DIAPH3: variants seen among roughly 807,000 people sequenced by gnomAD.
The protein encoded by DIAPH3 is protein diaphanous homolog 3.
In DIAPH3, 117 loss-of-function variants were observed where a neutral mutation model predicts 144.3. The ratio of observed to expected loss-of-function variants is 0.81; its 90% CI spans 0.70 to 0.95. The LOEUF is 0.95. Ranked by LOEUF, DIAPH3 falls within the 40% of genes least tolerant of loss-of-function variation. DIAPH3 has a pLI of 0.00. For missense variants in DIAPH3, 1,421 were observed against 1,412.7 expected (o/e 1.01, Z -0.09); for synonymous variants, 519 against 488.9 (o/e 1.06, Z -0.81).
At chr13:59,725,884 A>G (rs914374465) in intron 27 of DIAPH3, among the ~76,000 whole-genome samples, 1 of 152,208 alleles carries the variant, frequency 6.6e-6, no homozygotes, top group Non-Finnish European at 1.5e-5. Context: ...GCAACTTAAG[A>G]AAAAAGCCTT....
intron 23 of DIAPH3, among the ~76,000 whole-genome samples, chr13:59,836,129 A>G (rs945782659): frequency 5.9e-5 from 9 of 151,848 alleles, no homozygotes; most frequent in African/African-American, 2.2e-4. Context: ...CAGGAGAGGG[A>G]GTAGGAAGAA....
chr13:59,711,515 C>A (rs566700991), intron 27 of DIAPH3, among the ~76,000 whole-genome samples: 1 of 152,264 alleles, frequency 6.6e-6, no homozygotes, highest in South Asian at 2.1e-4. Context: ...TCTCTTACTA[C>A]CACTATCAGT....
intron 22 of DIAPH3, among the ~76,000 whole-genome samples, chr13:59,844,388 C>T (rs903481049): frequency 3.3e-5 from 5 of 151,654 alleles, no homozygotes; most frequent in Admixed American, 3.3e-4. Context: ...CCTGTAGTCC[C>T]ACCTACTCAG....
intron 17 of DIAPH3, among the ~76,000 whole-genome samples, chr13:59,947,525 G>A (rs2048861610): frequency 6.6e-6 from 1 of 152,124 alleles, no homozygotes; most frequent in African/African-American, 2.4e-5. Flanking sequence ...AGACAGAAAA[G>A]CAGGAGGAGG....
At chr13:60,009,061 A>G (rs2053069338) in intron 8 of DIAPH3, among the ~76,000 whole-genome samples, 1 of 152,148 alleles carries the variant, frequency 6.6e-6, no homozygotes, top group Non-Finnish European at 1.5e-5. Context: ...AGAATCTGAA[A>G]CCAGACAGTT....
At chr13:60,120,889 A>G (rs929901435) in intron 2 of DIAPH3, among the ~76,000 whole-genome samples, 3 of 152,226 alleles carry the variant, frequency 2.0e-5, no homozygotes, top group African/African-American at 7.2e-5. Flanking sequence ...AGAAACTGAA[A>G]TATCAAGTGT....
chr13:59,788,597 G>A (rs2139385364), intron 25 of DIAPH3, among the ~76,000 whole-genome samples: 1 of 152,262 alleles, frequency 6.6e-6, no homozygotes, highest in Middle Eastern at 3.4e-3. Context: ...CATTGTAACA[G>A]GAGACTAGAA....
intron 17 of DIAPH3, among the ~76,000 whole-genome samples, chr13:59,929,551 G>GTT (rs1733187385): frequency 1.4e-5 from 1 of 70,428 alleles, no homozygotes; most frequent in Non-Finnish European, 3.0e-5. Flanking sequence ...TCTAAATTTT[G>GTT]TTCTTTTTTT....
At chr13:59,674,883 T>G (rs1666606171) in intron 27 of DIAPH3, among the ~76,000 whole-genome samples, 1 of 152,218 alleles carries the variant, frequency 6.6e-6, no homozygotes, top group Non-Finnish European at 1.5e-5. Flanking sequence ...AGATATTAAA[T>G]AAATATTTCT....
chr13:60,132,655 T>C (rs1196255977), intron 2 of DIAPH3, among the ~76,000 whole-genome samples: 1 of 152,150 alleles, frequency 6.6e-6, no homozygotes, highest in East Asian at 1.9e-4. Flanking sequence ...TATTTTTACT[T>C]CTTTTTTGAA....
intron 1 of DIAPH3, among the ~76,000 whole-genome samples, chr13:60,151,882 G>A (rs1160420715): frequency 6.6e-6 from 1 of 152,074 alleles, no homozygotes; most frequent in Non-Finnish European, 1.5e-5. Flanking sequence ...CATTTTTCAT[G>A]TTCATTTCCC....
chr13:60,137,860 A>G (rs1053744314), intron 1 of DIAPH3, among the ~76,000 whole-genome samples: 5 of 150,466 alleles, frequency 3.3e-5, no homozygotes, highest in Admixed American at 2.7e-4. Context: ...AGTAGCTGGG[A>G]CCACAGGCGT....
chr13:60,043,749 T>C (rs1353235979), intron 4 of DIAPH3, among the ~76,000 whole-genome samples: 5 of 152,060 alleles, frequency 3.3e-5, no homozygotes, highest in Non-Finnish European at 7.4e-5. Flanking sequence ...GAATAAGAGA[T>C]TGAACTTCCT....
intron 3 of DIAPH3, among the ~76,000 whole-genome samples, chr13:60,105,079 G>A (rs1049871973): frequency 4.3e-5 from 4 of 92,196 alleles, no homozygotes; most frequent in East Asian, 7.6e-4. Context: ...CAGCCTGGGC[G>A]ACAAAGTGAG....
intron 27 of DIAPH3, among the ~76,000 whole-genome samples, chr13:59,752,533 A>G (rs2037063435): frequency 6.6e-6 from 1 of 151,932 alleles, no homozygotes; most frequent in Non-Finnish European, 1.5e-5. Context: ...ACACCCAGTT[A>G]ATTTTTGTAT....
At position 60,042,717 on chromosome 13, in the gene DIAPH3, C is replaced by T. The variant is rs1283256298; in HGVS notation, c.599G>A (p.Arg200Gln). Residue 200 changes from arginine (R) to glutamine (Q), a missense_variant, in exon 5 of 28, where the codon CGA (arginine) becomes CAA (glutamine). Transcript: ENST00000400324. ...CACAGGATTGCTGGTCAAAGACACT[C>T]GGAGAGACTCCAGGCATGTGACAAG... ...ERLVTCLESLRVSLTSNPVSW... is the reference protein window; with the variant it reads ...ERLVTCLESLQVSLTSNPVSW... 9.3e-6 allele frequency: 15 copies of T among 1,613,550 alleles called. No individual in the cohort carries two copies. Among genetic ancestry groups the T allele is most frequent in the Non-Finnish European group, 1.2e-5 (14 of 1,179,760 alleles).
chr13:60,032,883 C>T (rs921268409), intron 5 of DIAPH3, among the ~76,000 whole-genome samples: 2 of 152,198 alleles, frequency 1.3e-5, no homozygotes, highest in South Asian at 4.1e-4. Flanking sequence ...AACCTTTATG[C>T]TCTTCTTCCT....
At chr13:59,711,233 A>C (rs2034718286) in intron 27 of DIAPH3, among the ~76,000 whole-genome samples, 4 of 152,172 alleles carry the variant, frequency 2.6e-5, no homozygotes. Context: ...CTAACAATGG[A>C]GCCCAACCAC....
chr13:60,039,084 T>A (rs904673724), intron 5 of DIAPH3, among the ~76,000 whole-genome samples: 3 of 151,496 alleles, frequency 2.0e-5, no homozygotes, highest in African/African-American at 7.3e-5. Flanking sequence ...AAATAGAAGA[T>A]GTTTGTGATC....
Sources: gnomAD v4.1 joint callset for allele counts (sites outside exome capture counted in the v4.1 genomes callset) on GRCh38, gnomAD v4.1.1 for gene constraint, MANE v1.5 for transcripts, NCBI Gene and HGNC (gene_info 2026-07-23, HGNC 2026-07-21) for gene names.